ZNF462: variants seen among roughly 807,000 people sequenced by gnomAD.
ZNF462 encodes zinc finger protein 462.
Under a neutral mutation model 201.9 loss-of-function variants are expected in ZNF462, and 10 were observed. The ratio of observed to expected loss-of-function variants is 0.05; its 90% confidence interval spans 0.03 to 0.08. The LOEUF is 0.08. Ranked by LOEUF, ZNF462 falls within the 10% of genes least tolerant of loss-of-function variation. The probability of loss-of-function intolerance (pLI) is 1.00; values close to 1 mark genes in which losing one functional copy is unlikely to be tolerated. For synonymous variants in ZNF462, 1,227 were observed against 1,193.3 expected, an observed-to-expected ratio of 1.03 and a Z score of -0.58; for missense variants, 2,523 against 3,168.3, an observed-to-expected ratio of 0.80 and a Z score of 4.89.
chr9:106,935,517 T>G lies in ZNF462; in HGVS notation c.6131T>G (p.Met2044Arg). The change falls in exon 6 of 13, where the codon ATG (methionine) becomes AGG (arginine). Residue 2044 changes from methionine (M) to arginine (R), a missense_variant. By Grantham distance (91) the Met-to-Arg change is moderately conservative. Coordinates refer to ENST00000277225, the MANE Select transcript of ZNF462 (RefSeq NM_021224.6). This position sits in a 1 kb window ranked among gnomAD's most constrained non-coding sequence, Gnocchi z 4.1. ...SAFRHNLDRH[M>R]QTHHGHHKPF... ...TCTACATCAAGTTTGGATCGCCATATGCAAACCCACCACGGACACCATAAA... is the reference window on the plus strand; with the variant it reads ...TCTACATCAAGTTTGGATCGCCATAGGCAAACCCACCACGGACACCATAAA... 1.2e-6 allele frequency: 2 copies of G among 1,614,110 alleles called. No individual in the cohort carries two copies. Among genetic ancestry groups the G allele is most frequent in the Non-Finnish European group, 1.7e-6 (2 of 1,179,970 alleles).
rs1269804301 is a variant in ZNF462, at chr9:106,928,313, C to T, written c.4401C>T (p.Ser1467=). ...QLASANPAIS[S]TPYQCTVCQS... ...CTTCAGCCAACCCCGCCATATCCTC[C>T]ACCCCATACCAGTGCACGGTATGCC... Residue 1467 remains serine, a synonymous_variant, in exon 3 of 13, where the codon TCC becomes TCT. Transcript: ENST00000277225. This position sits in a 1 kb window ranked among gnomAD's most constrained non-coding sequence, Gnocchi z 9.3. 4 of 1,614,054 alleles carry T rather than the reference C, an allele frequency of 2.5e-6. No individual in the cohort carries two copies. The African/African-American group carries it at 4.0e-5, about 16-fold the overall frequency.
chr9:106,870,272 T>C lies in ZNF462; in HGVS notation c.-31+6917T>C, dbSNP rs1587973139. Among the ~76,000 whole-genome samples, 1 of 152,144 alleles carries C rather than the reference T, an allele frequency of 6.6e-6. No individual in the cohort carries two copies. The highest frequency in any genetic ancestry group is 1.9e-4 in the East Asian group (1 of 5,180). ...CTTGCCTAATTCCTAGCTGGAGACA[T>C]TTTTTCTTGAGTTATTCTTGGAGGG... On this transcript the variant is annotated intron_variant, in intron 1 of 12. Coordinates refer to ENST00000277225, the MANE Select transcript of ZNF462 (RefSeq NM_021224.6). The surrounding 1 kb of genome is among the most constrained non-coding windows in gnomAD (Gnocchi z 4.3).
At chr9:106,979,691 G>T (rs914017130) in intron 9 of ZNF462, 4 of 147,062 alleles carry the variant, frequency 2.7e-5, no homozygotes, top group Non-Finnish European at 4.4e-5. Flanking sequence ...GTGAATAATA[G>T]TTTTATGAGG....
At chr9:106,969,906 G>A (rs1826501353) in intron 7 of ZNF462, among the ~76,000 whole-genome samples, 1 of 152,212 alleles carries the variant, frequency 6.6e-6, no homozygotes, top group African/African-American at 2.4e-5. Flanking sequence ...CTGGCTGGCA[G>A]TGCTCAACTT....
At chr9:106,868,895 G>A (rs1418941647) in intron 1 of ZNF462, among the ~76,000 whole-genome samples, 1 of 152,152 alleles carries the variant, frequency 6.6e-6, no homozygotes, top group Non-Finnish European at 1.5e-5. Context: ...TTCTTAGTTG[G>A]ATTTAACACG....
chr9:106,994,136 A>G (rs1301112708), intron 10 of ZNF462, among the ~76,000 whole-genome samples: 2 of 152,156 alleles, frequency 1.3e-5, no homozygotes, highest in East Asian at 3.9e-4. Context: ...TAAATTTAGA[A>G]GGATAGTCTA....
intron 1 of ZNF462, among the ~76,000 whole-genome samples, chr9:106,882,088 G>A (rs554935187): frequency 7.2e-5 from 11 of 152,268 alleles, no homozygotes; most frequent in South Asian, 6.2e-4. Context: ...TCATGTTGGT[G>A]TGCAGGCAGC....
In ZNF462 at chr9:106,880,374, G is replaced by A. The variant is rs1456915562; in HGVS notation, c.-31+17019G>A. On this transcript the variant is annotated intron_variant, in intron 1 of 12. Transcript: ENST00000277225. The surrounding 1 kb of genome is among the most constrained non-coding windows in gnomAD (Gnocchi z 4.1). ...GTGCAGAAATGAATTCCTTCTTTCA[G>A]CTACCTTACCACTTGTTTTCCATAG... is the stretch of plus-strand genomic sequence containing the variant. Among the ~76,000 whole-genome samples, 3 of 152,220 alleles carry A rather than the reference G, an allele frequency of 2.0e-5. No homozygotes were observed. Among genetic ancestry groups the A allele is most frequent in the Non-Finnish European group, 4.4e-5 (3 of 68,044 alleles).
rs1831779434 is a variant in ZNF462, at chr9:106,960,436, A to G, written c.6428-11569A>G. ...ATCTGAGGTTGCTCACAAGCTCTCT[A>G]CGGTTGAGGCCAAGTCATTTATATA... On this transcript the variant is annotated intron_variant, in intron 7 of 12. Transcript: ENST00000277225. 2.0e-5 allele frequency among the ~76,000 whole-genome samples: 3 copies of G among 152,200 alleles called. No homozygotes were observed. The South Asian group carries it at 6.2e-4, about 32-fold the overall frequency.
chr9:106,901,928 T>C (rs767417721), intron 1 of ZNF462, among the ~76,000 whole-genome samples: 7 of 152,172 alleles, frequency 4.6e-5, no homozygotes, highest in Non-Finnish European at 7.4e-5. Flanking sequence ...TATTGTCTGA[T>C]TGCTCTCGCT....
chr9:106,986,976 C>CACAGATAG (rs1554716064), intron 10 of ZNF462, among the ~76,000 whole-genome samples: 1 of 143,338 alleles, frequency 7.0e-6, no homozygotes, highest in African/African-American at 2.6e-5. Flanking sequence ...AGTATTCCAT[C>CACAGATAG]ATAGATAGAT....
intron 7 of ZNF462, among the ~76,000 whole-genome samples, chr9:106,952,549 G>A (rs1041372543): frequency 6.6e-6 from 1 of 152,120 alleles, no homozygotes; most frequent in Non-Finnish European, 1.5e-5. Flanking sequence ...TGCTTAATCT[G>A]GAGCCTTGTT....
chr9:107,010,800 C>A lies in ZNF462; in HGVS notation c.7314-23C>A. 1 of 1,598,872 alleles carries A rather than the reference C, an allele frequency of 6.3e-7. No individual in the cohort carries two copies. The highest frequency in any genetic ancestry group is 1.1e-5 in the South Asian group (1 of 89,228). On this transcript the variant is annotated intron_variant, in intron 12 of 12. Transcript: ENST00000277225. This position sits in a 1 kb window ranked among gnomAD's most constrained non-coding sequence, Gnocchi z 4.6. ...AAATATATATACTATACTCATCTGT[C>A]TCTTCGATAAATGTTTTTCCAGGGC...
intron 1 of ZNF462, among the ~76,000 whole-genome samples, chr9:106,873,584 T>C (rs77600359): frequency 0.015 from 2,333 of 152,292 alleles, 59 homozygotes; most frequent in African/African-American, 0.053. Flanking sequence ...TTTTGGAACA[T>C]GGTGCAGATT....
rs568784488 is a variant in ZNF462 at position 106,905,331 on chromosome 9, G to C, written c.-30-18023G>C. ...CACCTGTTCTGGTGGAGGTGGCAGA[G>C]TGTGCAATGGACTCTCTGAGGGTCC... On this transcript the variant is annotated intron_variant, in intron 1 of 12. Coordinates refer to ENST00000277225, the MANE Select transcript of ZNF462 (RefSeq NM_021224.6). The surrounding 1 kb of genome is among the most constrained non-coding windows in gnomAD (Gnocchi z 5.9). Among the ~76,000 whole-genome samples, 2 of 152,202 alleles carry C rather than the reference G, an allele frequency of 1.3e-5. No individual in the cohort carries two copies. Among genetic ancestry groups the C allele is most frequent in the African/African-American group, 4.8e-5 (2 of 41,450 alleles).
At position 106,925,023 on chromosome 9, in the gene ZNF462, A is replaced by C; in HGVS notation, c.1111A>C (p.Thr371Pro). Residue 371 changes from threonine to proline, a missense_variant, in exon 3 of 13, where the codon ACC becomes CCC. Transcript: ENST00000277225. This position sits in a 1 kb window ranked among gnomAD's most constrained non-coding sequence, Gnocchi z 7.9. Reference protein sequence around the residue: ...ERSRYGMTDMTNSSADLETNS... With the variant: ...ERSRYGMTDMPNSSADLETNS... ...ATCCCGTTATGGAATGACTGACATGACCAATTCTTCTGCTGACCTGGAAAC... is the reference window on the plus strand; with the variant it reads ...ATCCCGTTATGGAATGACTGACATGCCCAATTCTTCTGCTGACCTGGAAAC... 2 of 1,614,202 alleles carry C rather than the reference A, an allele frequency of 1.2e-6. No homozygotes were observed. The highest frequency in any genetic ancestry group is 1.7e-6 in the Non-Finnish European group (2 of 1,180,032).
intron 9 of ZNF462, chr9:106,976,712 TAAC>T (rs1293982679): frequency 3.3e-5 from 5 of 152,170 alleles, no homozygotes; most frequent in Non-Finnish European, 4.4e-5. Flanking sequence ...TTAACAATAA[TAAC>T]AACAATGGTT....
intron 7 of ZNF462, among the ~76,000 whole-genome samples, chr9:106,960,395 G>T (rs929315077): frequency 1.3e-5 from 2 of 152,116 alleles, no homozygotes; most frequent in Admixed American, 6.5e-5. Flanking sequence ...CCCACGGCCT[G>T]TGAGCTCTAA....
rs1830604193 is a variant in ZNF462, at chr9:106,935,709, C to T, written c.6235+88C>T. 4.0e-6 allele frequency: 4 copies of T among 988,972 alleles called. No individual in the cohort carries two copies. In the Admixed American group the frequency reaches 5.9e-5, roughly 14 times the overall value. 61.3% of individuals were successfully genotyped at this position (988,972 alleles called of 1,614,324 possible). ...CTTTATTGAGTGAAATACTGTCCTG[C>T]CTTACACTTGAGAATGTTATTCTTG... On this transcript the variant is annotated intron_variant, in intron 6 of 12. Transcript: ENST00000277225. The surrounding 1 kb of genome is among the most constrained non-coding windows in gnomAD (Gnocchi z 4.1).
Sources: gnomAD v4.1 joint callset for allele counts (sites outside exome capture counted in the v4.1 genomes callset) on GRCh38, gnomAD v4.1.1 for gene constraint, Gnocchi (gnomAD v3.1) non-coding constraint, MANE v1.5 for transcripts, NCBI Gene and HGNC (gene_info 2026-07-23, HGNC 2026-07-21) for gene names.